Variants in PACS1 observed in about 807,000 individuals in gnomAD.
PACS1 encodes the protein PACS-1.
PACS1 carries 24 observed loss-of-function variants against 115.0 expected under a neutral mutation model. That is an observed-to-expected ratio of 0.21 (90% CI 0.15 to 0.29). The LOEUF is 0.29. Ranked by LOEUF, PACS1 falls within the 10% of genes least tolerant of loss-of-function variation. The probability of loss-of-function intolerance (pLI) is 1.00; values close to 1 mark genes in which losing one functional copy is unlikely to be tolerated. For synonymous variants in PACS1, 453 were observed against 504.5 expected, an observed-to-expected ratio of 0.90 and a Z score of 1.37; for missense variants, 838 against 1,251.2, an observed-to-expected ratio of 0.67 and a Z score of 4.98.
chr11:66,182,083 T>A (rs1483580782), intron 1 of PACS1, among the ~76,000 whole-genome samples: 3 of 152,232 alleles, frequency 2.0e-5, no homozygotes, highest in Non-Finnish European at 4.4e-5. Flanking sequence ...GACCTGAGAC[T>A]TTTTGTATCT....
chr11:66,219,863 C>T, intron 8 of PACS1, 58 bp downstream of exon 8: 5 of 1,221,390 alleles, frequency 4.1e-6, no homozygotes, highest in Non-Finnish European at 6.1e-6. Context: ...TTTCACCCAG[C>T]ATCCCTGGAG....
intron 19 of PACS1, among the ~76,000 whole-genome samples, chr11:66,237,774 A>G (rs114076403): frequency 6.6e-6 from 1 of 152,218 alleles, no homozygotes; most frequent in Non-Finnish European, 1.5e-5. Flanking sequence ...AACCTCACCA[A>G]ATGCCAGGCA....
intron 1 of PACS1, among the ~76,000 whole-genome samples, chr11:66,105,284 G>A (rs772657725): frequency 6.6e-6 from 1 of 152,094 alleles, no homozygotes; most frequent in East Asian, 1.9e-4. Flanking sequence ...TTAGCCAGGC[G>A]AGGTGGTGCA....
intron 21 of PACS1, among the ~76,000 whole-genome samples, chr11:66,240,567 C>T (rs960728248): frequency 2.6e-5 from 4 of 152,210 alleles, no homozygotes; most frequent in Non-Finnish European, 4.4e-5. Context: ...CTCTGCTCCT[C>T]GGGGCACTTC....
intron 1 of PACS1, among the ~76,000 whole-genome samples, chr11:66,099,579 T>G (rs1857867250): frequency 6.6e-6 from 1 of 151,662 alleles, no homozygotes; most frequent in Admixed American, 6.6e-5. Flanking sequence ...AGGGTCTGGC[T>G]CTGTCTCCTA....
intron 4 of PACS1, among the ~76,000 whole-genome samples, chr11:66,212,666 G>A (rs957243509): frequency 3.3e-5 from 5 of 151,956 alleles, no homozygotes; most frequent in African/African-American, 7.3e-5. Flanking sequence ...AATATTTTAC[G>A]AGGAGGTAAA....
intron 2 of PACS1, among the ~76,000 whole-genome samples, chr11:66,198,287 AAC>A (rs897968213): frequency 6.6e-6 from 1 of 152,242 alleles, no homozygotes; most frequent in Non-Finnish European, 1.5e-5. Context: ...GAGAAATGAA[AAC>A]ACACAAAATC....
intron 2 of PACS1, among the ~76,000 whole-genome samples, chr11:66,201,657 T>G (rs1428923395): frequency 2.1e-5 from 3 of 146,276 alleles, no homozygotes; most frequent in Non-Finnish European, 3.0e-5. Context: ...ATGTTTTGGG[T>G]TTTTGTTTTT....
At chr11:66,162,313 G>A (rs1382388174) in intron 1 of PACS1, among the ~76,000 whole-genome samples, 2 of 151,772 alleles carry the variant, frequency 1.3e-5, no homozygotes, top group African/African-American at 4.8e-5. Flanking sequence ...GTAGAGACAG[G>A]GTTTCTCCAT....
At chr11:66,109,099 G>A (rs873491) in intron 1 of PACS1, among the ~76,000 whole-genome samples, 26,124 of 152,148 alleles carry the variant, frequency 0.17, 2,795 homozygotes, top group Admixed American at 0.3. Context: ...TATGGCCTTC[G>A]TTCACTTTTT....
chr11:66,119,903 G>A (rs926180650), intron 1 of PACS1, among the ~76,000 whole-genome samples: 6 of 152,090 alleles, frequency 3.9e-5, no homozygotes, highest in African/African-American at 1.2e-4. Flanking sequence ...TCTAGGCACC[G>A]TTCAGCTCAG....
At chr11:66,132,236 T>A (rs570264278) in intron 1 of PACS1, among the ~76,000 whole-genome samples, 4,017 of 152,256 alleles carry the variant, frequency 0.026, 168 homozygotes, top group African/African-American at 0.091. Context: ...TAAATGGTGC[T>A]TTTTTCCTGC....
At chr11:66,185,390 A>G (rs745506052) in intron 1 of PACS1, among the ~76,000 whole-genome samples, 1 of 152,094 alleles carries the variant, frequency 6.6e-6, no homozygotes, top group Non-Finnish European at 1.5e-5. Flanking sequence ...TTGAAGGCAG[A>G]CTCAACTTCT....
intron 1 of PACS1, among the ~76,000 whole-genome samples, chr11:66,166,806 T>C (rs1859614633): frequency 1.3e-5 from 2 of 150,386 alleles, no homozygotes; most frequent in Non-Finnish European, 2.9e-5. Context: ...GGCCAGGCAG[T>C]GTTCTCAGTG....
intron 1 of PACS1, among the ~76,000 whole-genome samples, chr11:66,155,582 A>G (rs1859331498): frequency 6.6e-6 from 1 of 152,116 alleles, no homozygotes; most frequent in Non-Finnish European, 1.5e-5. Context: ...AATTTAAGAG[A>G]CTGATAGCTC....
At chr11:66,155,848 C>T (rs574065635) in intron 1 of PACS1, among the ~76,000 whole-genome samples, 3 of 152,148 alleles carry the variant, frequency 2.0e-5, no homozygotes, top group African/African-American at 7.2e-5. Flanking sequence ...AATGGATGAA[C>T]AAACTGTGCT....
intron 1 of PACS1, among the ~76,000 whole-genome samples, chr11:66,117,855 GA>G (rs375009596): frequency 1.1e-4 from 16 of 147,726 alleles, no homozygotes; most frequent in African/African-American, 3.5e-4. Flanking sequence ...CAAAAAAAAA[GA>G]AAAAAAAAAG....
chr11:66,121,911 T>C (rs1267264735), intron 1 of PACS1, among the ~76,000 whole-genome samples: 2 of 152,204 alleles, frequency 1.3e-5, no homozygotes, highest in South Asian at 2.1e-4. Context: ...CCAGAAGATA[T>C]AGCTAAGGTG....
At chr11:66,127,361 T>C (rs867613738) in intron 1 of PACS1, among the ~76,000 whole-genome samples, 5 of 152,134 alleles carry the variant, frequency 3.3e-5, no homozygotes, top group African/African-American at 2.4e-5. Flanking sequence ...TGTTTTCCGG[T>C]TGGGGAAGTG....
Sources: gnomAD v4.1 joint callset for allele counts (sites outside exome capture counted in the v4.1 genomes callset) on GRCh38, gnomAD v4.1.1 for gene constraint, MANE v1.5 for transcripts, NCBI Gene and HGNC (gene_info 2026-07-23, HGNC 2026-07-21) for gene names.